The following CILK1 variants were observed in gnomAD, a reference collection of about 807,000 sequenced individuals.
The protein encoded by CILK1 is serine/threonine-protein kinase ICK.
Under a neutral mutation model 79.2 loss-of-function variants are expected in CILK1, and 47 were observed. The observed-to-expected ratio is 0.59, with a 90% CI of 0.47 to 0.76. The LOEUF (loss-of-function observed/expected upper bound fraction) is 0.76, where lower values mean the gene tolerates loss of function less well. CILK1 is among the 30% of genes least tolerant of loss of function. The pLI, the probability that CILK1 is intolerant of heterozygous loss-of-function variation, is 0.00. For missense variants in CILK1, 660 were observed against 769.5 expected (o/e 0.86, Z 1.68); for synonymous variants, 266 against 275.9 (o/e 0.96, Z 0.36).
At position 53,037,953 on chromosome 6, in the gene CILK1, G is replaced by A. The variant is rs779503830; in HGVS notation, c.142C>T (p.Leu48Phe). Residue 48 changes from leucine to phenylalanine, a missense_variant, in exon 3 of 14, where the codon CTT (leucine) becomes TTT (phenylalanine). Coordinates refer to ENST00000676107, the MANE Select transcript of CILK1 (RefSeq NM_014920.5). ...KFYSWEECMN[L>F]REVKSLKKLN... is the part of the protein sequence containing the mutation. ...TTAATATATACCTTAACCTCCCGAA[G>A]GTTCATGCATTCCTCCCAGGAATAA... 1.1e-5 allele frequency: 17 copies of A among 1,587,258 alleles called. No individual in the cohort carries two copies. The highest frequency in any genetic ancestry group is 1.4e-5 in the Non-Finnish European group (16 of 1,155,840).
chr6:53,038,089 A>C, intron 2 of CILK1, 96 bp from the exon 3 acceptor site: 1 of 796,368 alleles, frequency 1.3e-6, no homozygotes, highest in South Asian at 1.4e-5. Flanking sequence ...CCTAATTAAC[A>C]GTACTTAAAG....
At chr6:53,049,836 T>C (rs546975879) in intron 1 of CILK1, among the ~76,000 whole-genome samples, 1 of 152,246 alleles carries the variant, frequency 6.6e-6, no homozygotes, top group Non-Finnish European at 1.5e-5. Flanking sequence ...TCCTCCCACC[T>C]CAGCCTCCTG....
In CILK1 at chr6:53,035,317, G is replaced by GA. The variant is rs930645340; in HGVS notation, c.156+2621dup. On this transcript the variant is annotated intron_variant, in intron 3 of 13. Coordinates refer to ENST00000676107, the MANE Select transcript of CILK1 (RefSeq NM_014920.5). ...ATAGACTAAAAAGAATGAGCAGGTG[G>GA]AAAAAAAAAGAGTTTAATGATATGG... 8.0e-5 allele frequency among the ~76,000 whole-genome samples: 12 copies of GA among 149,812 alleles called. No homozygotes were observed. The South Asian group carries it at 1.9e-3, about 24-fold the overall frequency.
In CILK1 at chr6:53,011,857, G is replaced by C. The variant is rs753253087; in HGVS notation, c.1404C>G (p.Pro468=). The C allele has an allele frequency of 1.9e-6, 3 of 1,614,134 alleles. No homozygotes were observed. Among genetic ancestry groups the C allele is most frequent in the Non-Finnish European group, 2.5e-6 (3 of 1,179,998 alleles). ...CTCGCCGCTGATATGACGTCTGGGT[G>C]GGGGCACTGTTTCCTGTGCCCACAG... ...SEPVGTGNSA[P]TQTSYQRRDT... is the part of the protein sequence containing the mutation. Residue 468 remains proline, a synonymous_variant, in exon 11 of 14, where the codon CCC becomes CCG. Transcript: ENST00000676107.
intron 1 of CILK1, among the ~76,000 whole-genome samples, chr6:53,042,497 G>A (rs900720063): frequency 2.2e-4 from 33 of 152,206 alleles, no homozygotes; most frequent in Non-Finnish European, 4.0e-4. Flanking sequence ...GTGTGGCTAA[G>A]CATCAATGGT....
chr6:53,018,437 C>T lies in CILK1; in HGVS notation c.556G>A (p.Val186Met). 1 of 1,614,158 alleles carries T rather than the reference C, an allele frequency of 6.2e-7. No individual in the cohort carries two copies. The highest frequency in any genetic ancestry group is 8.5e-7 in the Non-Finnish European group (1 of 1,179,988). ...TAAACTTCTGCCATGATGCAGCCCACCGCCCAGACGTCAATGGGGGAGCTG... is the reference window on the plus strand; with the variant it reads ...TAAACTTCTGCCATGATGCAGCCCATCGCCCAGACGTCAATGGGGGAGCTG... ...NYSSPIDVWA[V>M]GCIMAEVYTL... Residue 186 changes from valine (V) to methionine (M), a missense_variant, in exon 7 of 14, where the codon GTG becomes ATG. Physicochemically the swap from Val to Met is conservative, Grantham distance 21. Coordinates refer to ENST00000676107, the MANE Select transcript of CILK1 (RefSeq NM_014920.5).
Position 53,002,787 on chromosome 6 carries a change from T to C in CILK1, c.*2362A>G, listed in dbSNP as rs1764003110. ...GCATAAAAAGAAAAAAGCGAAGTAT[T>C]TTCTGAAGTTGGGCCCTATAAAGTA... On this transcript the variant is annotated 3_prime_UTR_variant, in exon 14 of 14. Coordinates refer to ENST00000676107, the MANE Select transcript of CILK1 (RefSeq NM_014920.5). The C allele has an allele frequency of 6.6e-6, 1 of 152,200 alleles. No individual in the cohort carries two copies. The highest frequency in any genetic ancestry group is 2.4e-5 in the African/African-American group (1 of 41,436). The allele number at this position is 152,200 out of a possible 1,614,324, so 9.4% of individuals were successfully genotyped here. A position where few individuals can be genotyped will look rare whatever the true frequency, so the allele number is the denominator to read the frequency against.
intron 9 of CILK1, among the ~76,000 whole-genome samples, chr6:53,013,113 C>A (rs773271568): frequency 6.6e-5 from 10 of 152,166 alleles, no homozygotes; most frequent in Non-Finnish European, 1.0e-4. Flanking sequence ...TCATGAACAA[C>A]CCTGTCTGGT....
chr6:53,017,112 TG>T (rs1217422067), intron 7 of CILK1, among the ~76,000 whole-genome samples: 2 of 152,206 alleles, frequency 1.3e-5, no homozygotes, highest in Non-Finnish European at 2.9e-5. Flanking sequence ...CTGCAAGAGA[TG>T]TGCAGGTACA....
In CILK1 at chr6:53,011,856, T is replaced by G. The variant is rs767838202; in HGVS notation, c.1405A>C (p.Thr469Pro). The change falls in exon 11 of 14, where the codon ACC becomes CCC. Residue 469 changes from threonine to proline, a missense_variant. Transcript: ENST00000676107. ...EPVGTGNSAP[T>P]QTSYQRRDTP... ...TCTCGCCGCTGATATGACGTCTGGG[T>G]GGGGGCACTGTTTCCTGTGCCCACA... is the stretch of plus-strand genomic sequence containing the variant. The G allele has an allele frequency of 3.7e-6, 6 of 1,614,006 alleles. No individual in the cohort carries two copies. The highest frequency in any genetic ancestry group is 4.2e-6 in the Non-Finnish European group (5 of 1,180,022).
chr6:53,018,577 G>A (rs1765031810), intron 6 of CILK1, 76 bp from the exon 7 acceptor site: 1 of 1,386,830 alleles, frequency 7.2e-7, no homozygotes, highest in Non-Finnish European at 1.0e-6. Context: ...TCAGTTCTCA[G>A]TGAGGGGGTG....
rs193210728 is a variant in CILK1 at position 53,059,386 on chromosome 6, A to C, written c.-173+2210T>G. 1.6e-4 allele frequency among the ~76,000 whole-genome samples: 25 copies of C among 152,360 alleles called. No individual in the cohort carries two copies. The East Asian group carries it at 4.4e-3, about 27-fold the overall frequency. On this transcript the variant is annotated intron_variant, in intron 1 of 13. Transcript: ENST00000676107. ...TGCATAACATATGGCTCCGGCCCTA[A>C]AGAGGCTTAAACTAACCTAAACCAA...
intron 5 of CILK1, among the ~76,000 whole-genome samples, chr6:53,021,063 G>A (rs1486926756): frequency 6.6e-6 from 1 of 152,232 alleles, no homozygotes; most frequent in Non-Finnish European, 1.5e-5. Flanking sequence ...GCTCACGCCT[G>A]TAATCCCAAC....
intron 3 of CILK1, among the ~76,000 whole-genome samples, chr6:53,037,385 C>G (rs1195138200): frequency 1.8e-5 from 1 of 56,360 alleles, no homozygotes; most frequent in African/African-American, 5.1e-5. Flanking sequence ...TGACATGGCA[C>G]AAAAGAAGGA....
chr6:53,011,310 G>A (rs1365790795), intron 11 of CILK1, among the ~76,000 whole-genome samples: 1 of 152,084 alleles, frequency 6.6e-6, no homozygotes, highest in Non-Finnish European at 1.5e-5. Flanking sequence ...AAAATGTGAG[G>A]CCTGGGCCCA....
In CILK1 at chr6:53,006,826, T is replaced by A. The variant is rs563138061; in HGVS notation, c.1622-389A>T. Among the ~76,000 whole-genome samples, 355 of 152,356 alleles carry A rather than the reference T, an allele frequency of 2.3e-3. 5 individuals carry two copies. The highest frequency in any genetic ancestry group is 8.0e-3 in the African/African-American group (334 of 41,590). On this transcript the variant is annotated intron_variant, in intron 12 of 13. Transcript: ENST00000676107. ...ATGTGAGTACATATAAATTCTAGAG[T>A]ATGGCTAAACCATAATCCATTTAAC...
In CILK1 at chr6:53,011,842, A is replaced by T; in HGVS notation, c.1419T>A (p.Tyr473Ter). The part of the protein sequence containing the change: ...TGNSAPTQTS[Y>*]QRRDTPTLRS... ...TCAGGGTGGGCGTGTCTCGCCGCTGATATGACGTCTGGGTGGGGGCACTGT... is the reference window on the plus strand; with the variant it reads ...TCAGGGTGGGCGTGTCTCGCCGCTGTTATGACGTCTGGGTGGGGGCACTGT... The change falls in exon 11 of 14, where the codon TAT becomes TAA. Residue 473 changes from tyrosine to a stop codon, truncating the protein, a stop_gained. Coordinates refer to ENST00000676107, the MANE Select transcript of CILK1 (RefSeq NM_014920.5). LOFTEE classifies it high-confidence loss of function. The T allele has an allele frequency of 6.2e-7, 1 of 1,614,180 alleles. No homozygotes were observed. The highest frequency in any genetic ancestry group is 2.2e-5 in the East Asian group (1 of 44,884).
In CILK1 at chr6:53,050,698, C is replaced by T. The variant is rs573960113; in HGVS notation, c.-172-9290G>A. On this transcript the variant is annotated intron_variant, in intron 1 of 13. Transcript: ENST00000676107. ...AATTAGCTGGGCTTGGTGGTGCATT[C>T]CTGTAGTTAGTCCTAGCTACTTATG... 1.2e-3 allele frequency among the ~76,000 whole-genome samples: 186 copies of T among 151,612 alleles called. 1 individual carries two copies. Among genetic ancestry groups the T allele is most frequent in the Non-Finnish European group, 2.2e-3 (149 of 67,890 alleles).
chr6:53,032,324 C>T (rs1766021205), intron 4 of CILK1, among the ~76,000 whole-genome samples: 1 of 151,906 alleles, frequency 6.6e-6, no homozygotes, highest in Non-Finnish European at 1.5e-5. Flanking sequence ...AAGAAAAGCA[C>T]ACCAGCATGG....
Sources: allele counts gnomAD v4.1 joint callset (sites outside exome capture counted in the v4.1 genomes callset), GRCh38; gene constraint gnomAD v4.1.1; transcripts MANE v1.5; gene names NCBI Gene and HGNC (gene_info 2026-07-23, HGNC 2026-07-21).